The following SIL1 variants were observed in gnomAD, a reference collection of about 807,000 sequenced individuals.
The protein encoded by SIL1 is nucleotide exchange factor SIL1.
A neutral mutation model predicts 49.1 loss-of-function variants in SIL1; 40 were observed. The ratio of observed to expected loss-of-function variants is 0.81; its 90% CI spans 0.63 to 1.06. The LOEUF (loss-of-function observed/expected upper bound fraction) is 1.06, where lower values mean the gene tolerates loss of function less well. Ranked by LOEUF, SIL1 falls within the 50% of genes least tolerant of loss-of-function variation. The pLI is 0.00. For synonymous variants in SIL1, 253 were observed against 250.8 expected (o/e 1.01, Z -0.08); for missense variants, 500 against 572.6 (o/e 0.87, Z 1.29).
At chr5:139,021,362 T>C (rs1194426305) in intron 6 of SIL1, 70 bp from the exon 7 acceptor site, 1 of 1,587,776 alleles carries the variant, frequency 6.3e-7, no homozygotes, top group African/African-American at 1.3e-5. Flanking sequence ...GAGCCTTTCT[T>C]TTGGTGACTA....
intron 9 of SIL1, among the ~76,000 whole-genome samples, chr5:138,950,863 G>T (rs186264917): frequency 6.6e-6 from 1 of 152,250 alleles, no homozygotes; most frequent in Admixed American, 6.5e-5. Flanking sequence ...GTCCCCTCGG[G>T]GCCTGGTCTC....
At position 139,011,119 on chromosome 5, in the gene SIL1, C is replaced by T. The variant is rs530965713; in HGVS notation, c.767+10052G>A. ...GCTGTGCTAGCAATCAGCGAGATTC[C>T]GTGGGTGTAGGACCCTCTGAGCCAG... On this transcript the variant is annotated intron_variant, in intron 7 of 9. Coordinates refer to ENST00000394817, the MANE Select transcript of SIL1 (RefSeq NM_022464.5). Among the ~76,000 whole-genome samples the T allele has an allele frequency of 4.7e-4, 71 of 150,788 alleles. 1 individual carries two copies. The South Asian group carries it at 0.012, about 26-fold the overall frequency.
At chr5:138,982,446 GCTC>G (rs1416978119) in intron 7 of SIL1, among the ~76,000 whole-genome samples, 6 of 152,238 alleles carry the variant, frequency 3.9e-5, no homozygotes, top group African/African-American at 1.4e-4. Context: ...AGTATTTGCA[GCTC>G]CTCAGAGCGA....
At chr5:139,057,826 G>A (rs896340731) in intron 3 of SIL1, among the ~76,000 whole-genome samples, 1 of 152,198 alleles carries the variant, frequency 6.6e-6, no homozygotes, top group African/African-American at 2.4e-5. Context: ...CACACCAGCA[G>A]TTTCAGTGTC....
rs970756988 is a variant in SIL1, at chr5:139,087,603, C to A, written c.244+33432G>T. Among the ~76,000 whole-genome samples, 6 of 151,946 alleles carry A rather than the reference C, an allele frequency of 3.9e-5. No individual in the cohort carries two copies. The South Asian group carries it at 1.0e-3, about 26-fold the overall frequency. On this transcript the variant is annotated intron_variant, in intron 3 of 9. Coordinates refer to ENST00000394817, the MANE Select transcript of SIL1 (RefSeq NM_022464.5). Reference sequence around the variant, plus strand: ...ACAGTCCTGGCTCCCTGAGGTGAAACAATAGGCTTATGGGAACTGGGGGAG... The same window carrying A: ...ACAGTCCTGGCTCCCTGAGGTGAAAAAATAGGCTTATGGGAACTGGGGGAG...
intron 3 of SIL1, among the ~76,000 whole-genome samples, chr5:139,091,852 G>T (rs1441990535): frequency 1.3e-5 from 2 of 152,196 alleles, no homozygotes; most frequent in African/African-American, 4.8e-5. Flanking sequence ...AAATGAGACG[G>T]TGTTTGAAGC....
intron 1 of SIL1, among the ~76,000 whole-genome samples, chr5:139,172,740 T>C (rs1430362835): frequency 2.0e-5 from 3 of 152,066 alleles, no homozygotes; most frequent in Non-Finnish European, 4.4e-5. Context: ...TCAGAAACTT[T>C]GGAGGGACCC....
rs146404668 is a variant in SIL1 at position 138,956,650 on chromosome 5, G to A, written c.768-4766C>T. On this transcript the variant is annotated intron_variant, in intron 7 of 9. Transcript: ENST00000394817. Reference sequence around the variant, plus strand: ...CTCAGCTACTCGGGAGGCTAAGGCAGGAGAATCGCTTGAACCCAGGAGGTA... The same window carrying A: ...CTCAGCTACTCGGGAGGCTAAGGCAAGAGAATCGCTTGAACCCAGGAGGTA... Among the ~76,000 whole-genome samples the A allele has an allele frequency of 5.6e-3, 848 of 151,830 alleles. 12 individuals carry two copies. Among genetic ancestry groups the A allele is most frequent in the African/African-American group, 0.02 (809 of 41,362 alleles).
chr5:138,976,936 T>C (rs1275738330), intron 7 of SIL1, among the ~76,000 whole-genome samples: 4 of 152,178 alleles, frequency 2.6e-5, no homozygotes, highest in Non-Finnish European at 5.9e-5. Context: ...GCTGACTCTC[T>C]GAGAGCTTCT....
At chr5:139,058,970 A>ATGTGTG (rs61070788) in intron 3 of SIL1, among the ~76,000 whole-genome samples, 33 of 150,228 alleles carry the variant, frequency 2.2e-4, no homozygotes, top group African/African-American at 7.4e-4. Flanking sequence ...AGAAATGTGT[A>ATGTGTG]TGTGTGTGTG....
intron 1 of SIL1, among the ~76,000 whole-genome samples, chr5:139,136,646 G>C (rs575152772): frequency 1.3e-5 from 2 of 152,156 alleles, no homozygotes; most frequent in African/African-American, 2.4e-5. Flanking sequence ...ATTTGGCAAT[G>C]AGGCAGTCAG....
chr5:139,163,308 C>A (rs570313709), intron 1 of SIL1, among the ~76,000 whole-genome samples: 2 of 152,086 alleles, frequency 1.3e-5, no homozygotes, highest in African/African-American at 4.8e-5. Context: ...AGTTATCTAA[C>A]CACAGAAATT....
At chr5:139,092,329 T>C (rs1031044462) in intron 3 of SIL1, among the ~76,000 whole-genome samples, 3 of 152,196 alleles carry the variant, frequency 2.0e-5, no homozygotes, top group Admixed American at 2.0e-4. Flanking sequence ...AGGGAGCCCA[T>C]TATTTGGTAG....
At chr5:139,171,098 G>A (rs914178447) in intron 1 of SIL1, among the ~76,000 whole-genome samples, 11 of 149,920 alleles carry the variant, frequency 7.3e-5, no homozygotes, top group East Asian at 4.0e-4. Context: ...CCCCCTGCCC[G>A]GCCAGCCGCC....
chr5:139,094,299 T>C (rs1243476389), intron 3 of SIL1, among the ~76,000 whole-genome samples: 1 of 152,244 alleles, frequency 6.6e-6, no homozygotes, highest in Non-Finnish European at 1.5e-5. Context: ...CATTCTATCA[T>C]TCATTAGCCA....
At chr5:138,963,938 C>T (rs1580987696) in intron 7 of SIL1, among the ~76,000 whole-genome samples, 1 of 152,158 alleles carries the variant, frequency 6.6e-6, no homozygotes, top group African/African-American at 2.4e-5. Context: ...CTCAGCTAGG[C>T]GCGGGGTTCA....
intron 3 of SIL1, among the ~76,000 whole-genome samples, chr5:139,095,419 A>T (rs1770436708): frequency 6.6e-6 from 1 of 151,904 alleles, no homozygotes. Context: ...GCGCCACCAT[A>T]CCCAGCTAAT....
chr5:139,167,919 C>A (rs1751657180), intron 1 of SIL1, among the ~76,000 whole-genome samples: 1 of 152,160 alleles, frequency 6.6e-6, no homozygotes, highest in Non-Finnish European at 1.5e-5. Flanking sequence ...TGGGCTCAAG[C>A]AATCCTCCTA....
intron 3 of SIL1, among the ~76,000 whole-genome samples, chr5:139,085,078 A>G (rs1270926082): frequency 6.6e-6 from 1 of 152,214 alleles, no homozygotes; most frequent in Non-Finnish European, 1.5e-5. Context: ...CAATGGATAT[A>G]AAAGAATATG....
Sources: gnomAD v4.1 joint callset for allele counts (sites outside exome capture counted in the v4.1 genomes callset) on GRCh38, gnomAD v4.1.1 for gene constraint, MANE v1.5 for transcripts, NCBI Gene and HGNC (gene_info 2026-07-23, HGNC 2026-07-21) for gene names.